VWA8: variants seen among roughly 807,000 people sequenced by gnomAD.
The protein encoded by VWA8 is von Willebrand factor A domain-containing protein 8.
Under a neutral mutation model 241.5 loss-of-function variants are expected in VWA8, and 221 were observed. That is an observed-to-expected ratio of 0.91 (90% CI 0.82 to 1.02). VWA8 has a LOEUF of 1.02. VWA8 is among the 50% of genes least tolerant of loss of function. VWA8 has a pLI of 0.00. For synonymous variants in VWA8, 852 were observed against 827.1 expected (o/e 1.03, Z -0.52); for missense variants, 2,322 against 2,328.7 (o/e 1.00, Z 0.06).
intron 2 of VWA8, among the ~76,000 whole-genome samples, chr13:41,939,193 G>A (rs924478789): frequency 6.6e-6 from 1 of 152,156 alleles, no homozygotes; most frequent in Non-Finnish European, 1.5e-5. Flanking sequence ...CTGAGGTCAG[G>A]TTGAAAGTTA....
At chr13:41,753,805 T>C (rs1297297074) in intron 21 of VWA8, among the ~76,000 whole-genome samples, 1 of 152,180 alleles carries the variant, frequency 6.6e-6, no homozygotes, top group Non-Finnish European at 1.5e-5. Context: ...ATTATTTAGA[T>C]GGTAACATCA....
chr13:41,705,346 T>C (rs1234166200), intron 26 of VWA8, among the ~76,000 whole-genome samples: 3 of 152,202 alleles, frequency 2.0e-5, no homozygotes, highest in Non-Finnish European at 4.4e-5. Flanking sequence ...ACAATTACTG[T>C]GTTCTCTCTT....
intron 26 of VWA8, among the ~76,000 whole-genome samples, chr13:41,708,274 T>C (rs749120820): frequency 8.6e-5 from 13 of 151,918 alleles, no homozygotes; most frequent in Non-Finnish European, 1.5e-4. Context: ...GGCAGGAGAA[T>C]TGCTTGAACC....
At position 41,721,575 on chromosome 13, in the gene VWA8, C is replaced by T. The variant is rs2045392255; in HGVS notation, c.2759G>A (p.Gly920Asp). 6.2e-7 allele frequency: 1 copy of T among 1,606,672 alleles called. No homozygotes were observed. The highest frequency in any genetic ancestry group is 1.7e-5 in the Admixed American group (1 of 58,550). The change falls in exon 25 of 45, where the codon GGT becomes GAT. Residue 920 changes from glycine to aspartate, a missense_variant and splice_region_variant. Transcript: ENST00000379310. Reference protein sequence around the residue: ...FLGNDFFGTLGDIFSCHAVDN... With the variant: ...FLGNDFFGTLDDIFSCHAVDN... ...AACTGCATGGCAGCTAAAAATATCACCTAAAGGAGAGAAAAGATTCACATT... is the reference window on the plus strand; with the variant it reads ...AACTGCATGGCAGCTAAAAATATCATCTAAAGGAGAGAAAAGATTCACATT...
At chr13:41,693,319 T>C (rs1481613644) in intron 29 of VWA8, among the ~76,000 whole-genome samples, 5 of 152,030 alleles carry the variant, frequency 3.3e-5, no homozygotes. Context: ...TATCTAGTTA[T>C]AAGGAAATTA....
At chr13:41,615,131 C>T in intron 37 of VWA8, 47 bp from the exon 38 acceptor site, 10 of 1,593,790 alleles carry the variant, frequency 6.3e-6, no homozygotes, top group Non-Finnish European at 8.6e-6. Context: ...TGACAAACAC[C>T]AGGGACTGCA....
At position 41,585,475 on chromosome 13, in the gene VWA8, T is replaced by C. The variant is rs77993987; in HGVS notation, c.5271+2037A>G. ...CAGAGCAGCTCTGCCCTCAAAAACG[T>C]AGAAATCCTATTTCTAACAGGAGAT... is the stretch of plus-strand genomic sequence containing the variant. On this transcript the variant is annotated intron_variant, in intron 42 of 44. Transcript: ENST00000379310. 1.6e-3 allele frequency among the ~76,000 whole-genome samples: 251 copies of C among 152,308 alleles called. 1 individual carries two copies. The highest frequency in any genetic ancestry group is 5.7e-3 in the African/African-American group (237 of 41,568).
chr13:41,577,304 A>C (rs189920728), intron 42 of VWA8, among the ~76,000 whole-genome samples: 2 of 152,370 alleles, frequency 1.3e-5, no homozygotes, highest in East Asian at 3.9e-4. Flanking sequence ...AAATTTATCA[A>C]TGCATTAAAA....
chr13:41,572,892 A>G (rs2104655), intron 43 of VWA8, among the ~76,000 whole-genome samples: 28,570 of 149,554 alleles, frequency 0.19, 3,011 homozygotes, highest in East Asian at 0.33. Flanking sequence ...GGCAGATCAC[A>G]AGGTCGGGAG....
chr13:41,890,306 C>A (rs1369785721), intron 5 of VWA8, among the ~76,000 whole-genome samples: 1 of 152,142 alleles, frequency 6.6e-6, no homozygotes, highest in Non-Finnish European at 1.5e-5. Flanking sequence ...TTGCAACCAA[C>A]CTGGGGTAGT....
chr13:41,760,800 G>A (rs1029279712), intron 21 of VWA8, among the ~76,000 whole-genome samples: 1 of 151,916 alleles, frequency 6.6e-6, no homozygotes, highest in Non-Finnish European at 1.5e-5. Flanking sequence ...TATTTTAGCT[G>A]CTTGTGAGAG....
intron 3 of VWA8, among the ~76,000 whole-genome samples, chr13:41,908,420 C>T (rs1469194311): frequency 4.0e-5 from 6 of 151,468 alleles, no homozygotes; most frequent in African/African-American, 9.7e-5. Context: ...TGCAGTAAGC[C>T]GAGATCACAC....
intron 1 of VWA8, among the ~76,000 whole-genome samples, chr13:41,953,804 T>G (rs1878239616): frequency 6.6e-6 from 1 of 152,010 alleles, no homozygotes. Context: ...AGTGAAACTC[T>G]GTGTCAAAAA....
At chr13:41,597,358 T>G (rs2044495499) in intron 40 of VWA8, among the ~76,000 whole-genome samples, 1 of 152,178 alleles carries the variant, frequency 6.6e-6, no homozygotes. Context: ...AAAATTTTAT[T>G]TTGTGGTTCT....
intron 33 of VWA8, 43 bp downstream of exon 33, chr13:41,690,123 C>A (rs2045165673): frequency 1.3e-6 from 2 of 1,536,954 alleles, no homozygotes; most frequent in Non-Finnish European, 1.8e-6. Context: ...TATGTACAAG[C>A]ATGCACTCAC....
chr13:41,611,970 A>G lies in VWA8; in HGVS notation c.4721-238T>C, dbSNP rs1426571005. On this transcript the variant is annotated intron_variant, in intron 38 of 44. Transcript: ENST00000379310. ...CTTACTCCAGCTTCTATGACACCTT[A>G]GCTAATGCTGCTACCTCATAAGGAT... 2.0e-5 allele frequency among the ~76,000 whole-genome samples: 3 copies of G among 152,230 alleles called. No homozygotes were observed. In the East Asian group the frequency reaches 5.8e-4, roughly 29 times the overall value.
At chr13:41,671,285 TCACC>T in intron 36 of VWA8, 138 bp from the exon 37 acceptor site, 2 of 933,870 alleles carry the variant, frequency 2.1e-6, no homozygotes, top group Non-Finnish European at 3.2e-6. Context: ...CTTACCTCTG[TCACC>T]ACATAGGCAG....
chr13:41,639,526 A>T (rs1037556686), intron 37 of VWA8, among the ~76,000 whole-genome samples: 3 of 152,214 alleles, frequency 2.0e-5, no homozygotes, highest in Non-Finnish European at 2.9e-5. Context: ...GGCACCTTAA[A>T]GGCTAAAGGC....
intron 9 of VWA8, among the ~76,000 whole-genome samples, chr13:41,879,712 C>T (rs970982): frequency 0.23 from 34,374 of 151,556 alleles, 3,968 homozygotes; most frequent in East Asian, 0.29. Context: ...CAATGTTCCA[C>T]TCTTCTAAGG....
Sources: gnomAD v4.1 joint callset for allele counts (sites outside exome capture counted in the v4.1 genomes callset) on GRCh38, gnomAD v4.1.1 for gene constraint, MANE v1.5 for transcripts, NCBI Gene and HGNC (gene_info 2026-07-23, HGNC 2026-07-21) for gene names.